Variants in SPATA6 observed in about 807,000 individuals in gnomAD.
SPATA6 encodes spermatogenesis associated 6.
In SPATA6, 56 loss-of-function variants were observed where a neutral mutation model predicts 65.3. That is an observed-to-expected ratio of 0.86 (90% CI 0.69 to 1.07). The LOEUF is 1.07. Among genes scored for constraint, SPATA6 ranks in the 50% least tolerant of loss-of-function variants. SPATA6 has a pLI of 0.00. For missense variants in SPATA6, 590 were observed against 594.8 expected (o/e 0.99, Z 0.08); for synonymous variants, 199 against 213.2 (o/e 0.93, Z 0.58).
At chr1:48,365,467 T>A (rs1646971826) in intron 9 of SPATA6, among the ~76,000 whole-genome samples, 1 of 152,206 alleles carries the variant, frequency 6.6e-6, no homozygotes, top group African/African-American at 2.4e-5. Context: ...TATCCTCTTT[T>A]ATTTCCTTGA....
At chr1:48,275,430 G>A in the SPATA6 span, among the ~76,000 whole-genome samples, 17 of 152,156 alleles carry the variant, frequency 1.1e-4, no homozygotes, top group Non-Finnish European at 8.8e-5. Context: ...TTTTGAAAGG[G>A]AATGATTCCA....
intron 11 of SPATA6, among the ~76,000 whole-genome samples, chr1:48,324,046 C>A (rs1368772417): frequency 6.6e-6 from 1 of 152,060 alleles, no homozygotes; most frequent in Admixed American, 6.6e-5. Context: ...ACTGCCAGGG[C>A]TCAAGCAATT....
At chr1:48,283,911 G>C in the SPATA6 span, among the ~76,000 whole-genome samples, 1 of 151,796 alleles carries the variant, frequency 6.6e-6, no homozygotes, top group African/African-American at 2.4e-5. Context: ...TGTGTCTTGG[G>C]GTTGCTCTTC....
chr1:48,384,391 A>G (rs1390999346), intron 9 of SPATA6, among the ~76,000 whole-genome samples: 1 of 26,382 alleles, frequency 3.8e-5, no homozygotes, highest in Non-Finnish European at 6.3e-5. Flanking sequence ...AGGGAGAGGG[A>G]GAGGGAGAGG....
chr1:48,325,771 G>A (rs1005994935), intron 11 of SPATA6: 23 of 465,882 alleles, frequency 4.9e-5, no homozygotes, highest in Non-Finnish European at 8.3e-5. Flanking sequence ...CTGTGGATGC[G>A]TCAAATGAGA....
chr1:48,364,112 C>T (rs968387827), intron 9 of SPATA6, among the ~76,000 whole-genome samples: 6 of 152,154 alleles, frequency 3.9e-5, no homozygotes, highest in African/African-American at 1.4e-4. Context: ...TCATCCATGT[C>T]CCTACAAAGG....
chr1:48,279,022 A>T, the SPATA6 span, among the ~76,000 whole-genome samples: 1 of 152,232 alleles, frequency 6.6e-6, no homozygotes, highest in Non-Finnish European at 1.5e-5. Flanking sequence ...GTGGGGGCCA[A>T]TATTCAACAT....
At chr1:48,306,841 A>G (rs1645073177) in intron 11 of SPATA6, among the ~76,000 whole-genome samples, 1 of 151,958 alleles carries the variant, frequency 6.6e-6, no homozygotes, top group Admixed American at 6.6e-5. Flanking sequence ...ATATGCATAC[A>G]AATTTAGAAT....
intron 8 of SPATA6, among the ~76,000 whole-genome samples, chr1:48,386,827 T>C (rs1166856442): frequency 2.6e-5 from 4 of 152,144 alleles, no homozygotes; most frequent in Non-Finnish European, 5.9e-5. Flanking sequence ...TAAGTAGCTA[T>C]GGCAAGGCAC....
At chr1:48,441,639 T>G (rs1250837420) in intron 3 of SPATA6, among the ~76,000 whole-genome samples, 15 of 151,550 alleles carry the variant, frequency 9.9e-5, no homozygotes. Context: ...AAACTTCTCT[T>G]TACACGTCAC....
chr1:48,316,668 C>A (rs1233563199), intron 11 of SPATA6, among the ~76,000 whole-genome samples: 1 of 152,066 alleles, frequency 6.6e-6, no homozygotes, highest in African/African-American at 2.4e-5. Context: ...CAACAAAAGC[C>A]AAAATTGACA....
At chr1:48,461,401 A>G (rs1285496882) in intron 1 of SPATA6, among the ~76,000 whole-genome samples, 1 of 151,340 alleles carries the variant, frequency 6.6e-6, no homozygotes, top group African/African-American at 2.4e-5. Flanking sequence ...TTTTAGACAT[A>G]AAGTCCTTGC....
chr1:48,307,953 T>C lies in SPATA6; in HGVS notation c.1195-2075A>G, dbSNP rs547024444. On this transcript the variant is annotated intron_variant, in intron 11 of 12. Coordinates refer to ENST00000371847, the MANE Select transcript of SPATA6 (RefSeq NM_019073.4). ...TGAATGCTATGCTTTTGTTTTCTTT[T>C]ACACTGAACTTATTTGTGCCTTTGA... is the stretch of plus-strand genomic sequence containing the variant. Among the ~76,000 whole-genome samples, 18 of 152,112 alleles carry C rather than the reference T, an allele frequency of 1.2e-4. No homozygotes were observed. In the South Asian group the frequency reaches 3.7e-3, roughly 31 times the overall value.
At chr1:48,389,747 T>G (rs1444860006) in intron 8 of SPATA6, among the ~76,000 whole-genome samples, 1 of 152,130 alleles carries the variant, frequency 6.6e-6, no homozygotes, top group African/African-American at 2.4e-5. Flanking sequence ...CTAAGGGAAT[T>G]CATCACCAGT....
intron 9 of SPATA6, among the ~76,000 whole-genome samples, chr1:48,373,418 G>A (rs139255766): frequency 2.8e-3 from 422 of 152,206 alleles, no homozygotes; most frequent in African/African-American, 8.5e-3. Flanking sequence ...TGCCCATATC[G>A]CTATCAGAAT....
the SPATA6 span, among the ~76,000 whole-genome samples, chr1:48,275,911 C>T: frequency 6.6e-6 from 1 of 152,050 alleles, no homozygotes; most frequent in African/African-American, 2.4e-5. Context: ...GGTAATGGTA[C>T]CAGCTCCTCT....
At chr1:48,352,139 T>C (rs774729571) in intron 11 of SPATA6, among the ~76,000 whole-genome samples, 8 of 152,056 alleles carry the variant, frequency 5.3e-5, no homozygotes, top group Non-Finnish European at 8.8e-5. Flanking sequence ...AAGTCACATC[T>C]TACATGGATG....
chr1:48,415,241 A>C (rs1261271051), intron 3 of SPATA6, among the ~76,000 whole-genome samples: 2 of 152,220 alleles, frequency 1.3e-5, no homozygotes, highest in African/African-American at 2.4e-5. Flanking sequence ...CCAAGGTTGG[A>C]CAGGACGTTG....
chr1:48,379,516 T>C (rs1229730451), intron 9 of SPATA6, among the ~76,000 whole-genome samples: 1 of 152,106 alleles, frequency 6.6e-6, no homozygotes, highest in African/African-American at 2.4e-5. Flanking sequence ...GGGTACAAAG[T>C]TTCAAGTAGA....
Sources: allele counts gnomAD v4.1 joint callset (sites outside exome capture counted in the v4.1 genomes callset), GRCh38; gene constraint gnomAD v4.1.1; transcripts MANE v1.5; gene names NCBI Gene and HGNC (gene_info 2026-07-23, HGNC 2026-07-21).